TNS1: variants seen among roughly 807,000 people sequenced by gnomAD.
TNS1 encodes the protein tensin-1.
In TNS1, 62 loss-of-function variants were observed where a neutral mutation model predicts 168.6. The ratio of observed to expected loss-of-function variants is 0.37; its 90% CI spans 0.30 to 0.45. The LOEUF (loss-of-function observed/expected upper bound fraction) is 0.45, where lower values mean the gene tolerates loss of function less well. Ranked by LOEUF, TNS1 falls within the 20% of genes least tolerant of loss-of-function variation. The probability of loss-of-function intolerance (pLI) is 1.00; values close to 1 mark genes in which losing one functional copy is unlikely to be tolerated. For synonymous variants in TNS1, 934 were observed against 933.2 expected, an observed-to-expected ratio of 1.00 and a Z score of -0.02; for missense variants, 2,240 against 2,339.4, an observed-to-expected ratio of 0.96 and a Z score of 0.88.
intron 2 of TNS1, among the ~76,000 whole-genome samples, chr2:217,988,570 C>T (rs1575162653): frequency 1.3e-5 from 2 of 152,314 alleles, no homozygotes; most frequent in South Asian, 4.1e-4. Context: ...TGCATCTTCG[C>T]AGGGCAGGGT....
In TNS1 at chr2:217,995,422, A is replaced by C. The variant is rs1958451030; in HGVS notation, c.34-4366T>G. 6.6e-6 allele frequency among the ~76,000 whole-genome samples: 1 copy of C among 152,190 alleles called. No individual in the cohort carries two copies. The highest frequency in any genetic ancestry group is 2.1e-4 in the South Asian group (1 of 4,830). On this transcript the variant is annotated intron_variant, in intron 1 of 32. Transcript: ENST00000682258. This position sits in a 1 kb window ranked among gnomAD's most constrained non-coding sequence, Gnocchi z 4.1. ...AAACCAGGGGGCAGGCACTGCAAGA[A>C]GGCATAATGAGACTCAGTGGGGAAA...
intron 2 of TNS1, among the ~76,000 whole-genome samples, chr2:217,979,389 C>T (rs1193658491): frequency 6.6e-6 from 1 of 152,034 alleles, no homozygotes; most frequent in Admixed American, 6.5e-5. Context: ...ACAGATTCAT[C>T]CAGGAAGAGC....
intron 18 of TNS1, among the ~76,000 whole-genome samples, chr2:217,853,350 A>T (rs1947758828): frequency 6.6e-6 from 1 of 152,106 alleles, no homozygotes; most frequent in Admixed American, 6.5e-5. Flanking sequence ...CCACAAAGGG[A>T]GTGATCAGTT....
chr2:217,804,737 G>A, intron 32 of TNS1, 134 bp from the exon 33 acceptor site: 1 of 1,161,018 alleles, frequency 8.6e-7, no homozygotes, highest in South Asian at 1.5e-5. Context: ...TCAGCATCAG[G>A]GACTCAGAGA....
chr2:218,028,077 G>T (rs933524524), intron 1 of TNS1, among the ~76,000 whole-genome samples: 1 of 152,236 alleles, frequency 6.6e-6, no homozygotes, highest in Non-Finnish European at 1.5e-5. Context: ...CAGCATCCTG[G>T]TGACTGCCAC....
At chr2:217,918,630 C>T (rs113738668) in intron 4 of TNS1, among the ~76,000 whole-genome samples, 1 of 152,230 alleles carries the variant, frequency 6.6e-6, no homozygotes, top group Non-Finnish European at 1.5e-5. Context: ...AGACATCTAG[C>T]TTCTGCCTGG....
intron 22 of TNS1, among the ~76,000 whole-genome samples, chr2:217,824,884 G>A (rs1192000177): frequency 1.3e-5 from 2 of 152,102 alleles, no homozygotes; most frequent in African/African-American, 4.8e-5. Flanking sequence ...CTGCCCGTGG[G>A]CTCCCAGAGC....
intron 1 of TNS1, among the ~76,000 whole-genome samples, chr2:218,015,915 T>TAGGA (rs1347549965): frequency 6.6e-6 from 1 of 152,194 alleles, no homozygotes; most frequent in Non-Finnish European, 1.5e-5. Context: ...ACTGCAGACC[T>TAGGA]AGGAGCTGGG....
chr2:217,878,309 G>A (rs943665408), intron 18 of TNS1, among the ~76,000 whole-genome samples: 3 of 152,188 alleles, frequency 2.0e-5, no homozygotes, highest in Non-Finnish European at 4.4e-5. Flanking sequence ...ACTAGGCTTA[G>A]TGGGACCCAG....
chr2:217,808,809 A>G (rs576466603), intron 30 of TNS1, 138 bp from the exon 31 acceptor site: 1 of 740,282 alleles, frequency 1.4e-6, no homozygotes, highest in East Asian at 2.6e-5. Flanking sequence ...TATGAGCAAG[A>G]TGGCCTGAGC....
intron 3 of TNS1, among the ~76,000 whole-genome samples, chr2:217,936,729 A>G (rs530563626): frequency 1.3e-3 from 191 of 152,144 alleles, no homozygotes; most frequent in African/African-American, 3.9e-3. Flanking sequence ...TTGAGCCCCA[A>G]GCAACAGTTT....
upstream of TNS1, among the ~76,000 whole-genome samples, chr2:218,004,313 A>G (rs185291672): frequency 2.2e-4 from 33 of 152,218 alleles, no homozygotes; most frequent in Non-Finnish European, 2.4e-4. Context: ...TCCTATGCAC[A>G]CTGTGCTATA....
At position 217,962,817 on chromosome 2, in the gene TNS1, C is replaced by T. The variant is rs997884229; in HGVS notation, c.186+15948G>A. ...CAGATAGGAGAAGACTCAGGAGACA[C>T]GATGACCACATGCAATGTGGGATCC... is the stretch of plus-strand genomic sequence containing the variant. On this transcript the variant is annotated intron_variant, in intron 3 of 32. Transcript: ENST00000682258. 3.9e-5 allele frequency among the ~76,000 whole-genome samples: 6 copies of T among 152,094 alleles called. No individual in the cohort carries two copies. The South Asian group carries it at 1.2e-3, about 32-fold the overall frequency.
chr2:217,876,884 A>G (rs1455826936), intron 18 of TNS1, among the ~76,000 whole-genome samples: 1 of 152,156 alleles, frequency 6.6e-6, no homozygotes, highest in Non-Finnish European at 1.5e-5. Flanking sequence ...TAGCCTCCAG[A>G]ACTATGAGAA....
In TNS1 at chr2:217,817,830, C is replaced by G; in HGVS notation, c.4502G>C (p.Arg1501Pro). Residue 1501 changes from arginine to proline, a missense_variant, in exon 24 of 33, where the codon CGG (arginine) becomes CCG (proline). By Grantham distance (103) the Arg-to-Pro change is moderately radical. This residue lies in a region of TNS1 where 2,131 missense variants were observed against 2,171.2 expected (regional missense o/e 0.98). Transcript: ENST00000682258. The stretch of plus-strand genomic sequence containing the variant: ...GGCATAGTTGGGGAGGCTGCCTGCC[C>G]GGTCTCCCACTGACATCCTTCGCTT... Reference protein sequence around the residue: ...PEKRRMSVGDRAGSLPNYATI... With the variant: ...PEKRRMSVGDPAGSLPNYATI... 3 of 1,614,232 alleles carry G rather than the reference C, an allele frequency of 1.9e-6. No individual in the cohort carries two copies. Among genetic ancestry groups the G allele is most frequent in the Non-Finnish European group, 2.5e-6 (3 of 1,180,036 alleles).
At chr2:217,989,667 C>G (rs1300238134) in intron 2 of TNS1, among the ~76,000 whole-genome samples, 1 of 152,078 alleles carries the variant, frequency 6.6e-6, no homozygotes. Flanking sequence ...GATTGAAAAG[C>G]CTGGCAGACA....
rs1403088511 is a variant in TNS1, at chr2:217,888,770, G to A, written c.867-2124C>T. Reference sequence around the variant, plus strand: ...ATGATTGTGAGACCTCCCCAGCCACGTGGAACTGTGAGTCCATTAAACCTC... The same window carrying A: ...ATGATTGTGAGACCTCCCCAGCCACATGGAACTGTGAGTCCATTAAACCTC... On this transcript the variant is annotated intron_variant, in intron 12 of 32. Transcript: ENST00000682258. Among the ~76,000 whole-genome samples the A allele has an allele frequency of 3.3e-5, 5 of 152,206 alleles. 1 individual carries two copies. The highest frequency in any genetic ancestry group is 5.9e-5 in the Non-Finnish European group (4 of 68,040).
rs766275252 is a variant in TNS1, at chr2:217,817,911, G to A, written c.4421C>T (p.Pro1474Leu). The A allele has an allele frequency of 4.0e-5, 65 of 1,613,706 alleles. No homozygotes were observed. Among genetic ancestry groups the A allele is most frequent in the Admixed American group, 1.2e-4 (7 of 59,986 alleles). ...CCGGAAGGCTGCGGAGTCTGGTGAC[G>A]GGGAGGTGGCAGGGCTGCTCAGGCC... ...YPGLSSPATS[P>L]SPDSAAFRQG... is the part of the protein sequence containing the mutation. Residue 1474 changes from proline to leucine, a missense_variant, in exon 24 of 33, where the codon CCG (proline) becomes CTG (leucine). Physicochemically the swap from Pro to Leu is moderately conservative, Grantham distance 98 (BLOSUM62 -3). This residue lies in a region of TNS1 where 2,131 missense variants were observed against 2,171.2 expected (regional missense o/e 0.98). Coordinates refer to ENST00000682258, the MANE Select transcript of TNS1 (RefSeq NM_001387777.1).
chr2:217,985,067 A>ATTTT (rs752091228), intron 2 of TNS1, among the ~76,000 whole-genome samples: 2 of 135,636 alleles, frequency 1.5e-5, no homozygotes, highest in African/African-American at 5.4e-5. Flanking sequence ...CCATTATGAG[A>ATTTT]TTTTTTTTTT....
Sources: gnomAD v4.1 joint callset for allele counts (sites outside exome capture counted in the v4.1 genomes callset) on GRCh38, gnomAD v4.1.1 for gene constraint, gnomAD v4.1.1 regional missense constraint, Gnocchi (gnomAD v3.1) non-coding constraint, MANE v1.5 for transcripts, NCBI Gene and HGNC (gene_info 2026-07-23, HGNC 2026-07-21) for gene names.